The following CBLB variants were observed in gnomAD, a reference collection of about 807,000 sequenced individuals.
The protein encoded by CBLB is Cbl proto-oncogene B, also known as E3 ubiquitin-protein ligase CBL-B.
Under a neutral mutation model 104.9 loss-of-function variants are expected in CBLB, and 31 were observed. The observed-to-expected ratio is 0.30, with a 90% CI of 0.22 to 0.40. The LOEUF is 0.40. CBLB is among the 10% of genes least tolerant of loss of function. The pLI, the probability that CBLB is intolerant of heterozygous loss-of-function variation, is 1.00. For synonymous variants in CBLB, 440 were observed against 422.6 expected, an observed-to-expected ratio of 1.04 and a Z score of -0.51; for missense variants, 1,062 against 1,214.6, an observed-to-expected ratio of 0.87 and a Z score of 1.87.
chr3:105,868,125 G>A (rs974645889), intron 1 of CBLB: 108 of 783,058 alleles, frequency 1.4e-4, no homozygotes, highest in Non-Finnish European at 1.7e-4. Flanking sequence ...AAAAGCGCAG[G>A]GCATGTCCCA....
intron 17 of CBLB, among the ~76,000 whole-genome samples, chr3:105,677,968 A>G (rs1261852749): frequency 6.6e-6 from 1 of 152,120 alleles, no homozygotes; most frequent in Non-Finnish European, 1.5e-5. Flanking sequence ...AAACTTCTCT[A>G]TTCTTGTTAT....
At chr3:105,739,822 T>C (rs561451365) in intron 7 of CBLB, among the ~76,000 whole-genome samples, 32 of 152,230 alleles carry the variant, frequency 2.1e-4, no homozygotes, top group Non-Finnish European at 3.5e-4. Context: ...AAAGTGAAAC[T>C]GGCTGGGCAC....
chr3:105,772,055 C>T (rs1449181119), intron 4 of CBLB, among the ~76,000 whole-genome samples: 2 of 150,524 alleles, frequency 1.3e-5, no homozygotes, highest in Non-Finnish European at 2.9e-5. Flanking sequence ...AAAAAAGAGA[C>T]CATATCACCA....
rs896626093 is a variant in CBLB at position 105,702,365 on chromosome 3, G to A, written c.1688C>T (p.Pro563Leu). The A allele has an allele frequency of 3.1e-6, 5 of 1,612,722 alleles. No homozygotes were observed. The highest frequency in any genetic ancestry group is 4.2e-6 in the Non-Finnish European group (5 of 1,179,476). Residue 563 changes from proline (P) to leucine (L), a missense_variant, in exon 12 of 19, where the codon CCA becomes CTA. Coordinates refer to ENST00000394030, the MANE Select transcript of CBLB (RefSeq NM_170662.5). ...CAGTCTATTGTCTGGTGGGATTGGTGGAGGTCTTTCAGGTGGCGGTGGAGG... is the reference window on the plus strand; with the variant it reads ...CAGTCTATTGTCTGGTGGGATTGGTAGAGGTCTTTCAGGTGGCGGTGGAGG... Reference protein sequence around the residue: ...DPPPPPPERPPPIPPDNRLSR... With the variant: ...DPPPPPPERPLPIPPDNRLSR...
intron 3 of CBLB, among the ~76,000 whole-genome samples, chr3:105,828,995 A>G (rs1292954309): frequency 1.3e-5 from 2 of 152,100 alleles, no homozygotes; most frequent in Non-Finnish European, 2.9e-5. Context: ...AGAATATTTA[A>G]CATATATAAT....
intron 12 of CBLB, among the ~76,000 whole-genome samples, chr3:105,700,105 G>A (rs1363974778): frequency 1.3e-5 from 2 of 151,828 alleles, no homozygotes; most frequent in Non-Finnish European, 1.5e-5. Context: ...ATATTTAAAG[G>A]AATGTTTTTA....
rs1032557851 is a variant in CBLB, at chr3:105,661,668, T to C, written c.2690-2439A>G. ...AGAACAGCTGTGTATACAAGTGGGA[T>C]GAATACTATGACGAATGCCTCTAAT... On this transcript the variant is annotated intron_variant, in intron 18 of 18. Coordinates refer to ENST00000394030, the MANE Select transcript of CBLB (RefSeq NM_170662.5). Among the ~76,000 whole-genome samples, 9 of 152,178 alleles carry C rather than the reference T, an allele frequency of 5.9e-5. No homozygotes were observed. The East Asian group carries it at 1.7e-3, about 29-fold the overall frequency.
intron 16 of CBLB, among the ~76,000 whole-genome samples, chr3:105,680,553 CAG>C (rs1316781116): frequency 6.6e-6 from 1 of 152,100 alleles, no homozygotes; most frequent in African/African-American, 2.4e-5. Flanking sequence ...CTGTAGGTAA[CAG>C]AGTTAGGAGC....
rs574015531 is a variant in CBLB, at chr3:105,674,863, C to A, written c.2569+3568G>T. Among the ~76,000 whole-genome samples the A allele has an allele frequency of 2.6e-5, 4 of 152,172 alleles. No homozygotes were observed. In the South Asian group the frequency reaches 8.3e-4, roughly 32 times the overall value. On this transcript the variant is annotated intron_variant, in intron 17 of 18. Coordinates refer to ENST00000394030, the MANE Select transcript of CBLB (RefSeq NM_170662.5). The stretch of plus-strand genomic sequence containing the variant: ...TGCCAAAAGAAATCTTACATGAAGG[C>A]CTAAAATAGAAAAGAGATAAAAGAA...
chr3:105,686,950 T>C (rs2067083130), intron 13 of CBLB, among the ~76,000 whole-genome samples: 1 of 152,100 alleles, frequency 6.6e-6, no homozygotes, highest in African/African-American at 2.4e-5. Context: ...AGGATTTACT[T>C]TCCAATTAAA....
At chr3:105,794,630 C>T (rs1472074321) in intron 3 of CBLB, among the ~76,000 whole-genome samples, 5 of 152,140 alleles carry the variant, frequency 3.3e-5, no homozygotes, top group African/African-American at 7.2e-5. Context: ...ACAAGTTCCA[C>T]TGAAACTATG....
At chr3:105,724,712 T>A (rs2073360227) in intron 9 of CBLB, among the ~76,000 whole-genome samples, 1 of 152,174 alleles carries the variant, frequency 6.6e-6, no homozygotes, top group Admixed American at 6.5e-5. Context: ...TGCAGAATTA[T>A]CAATGTGCAT....
At chr3:105,849,103 T>C (rs1398615749) in intron 3 of CBLB, among the ~76,000 whole-genome samples, 1 of 152,254 alleles carries the variant, frequency 6.6e-6, no homozygotes, top group Non-Finnish European at 1.5e-5. Context: ...GAGCTCCATG[T>C]GCAATGGCAC....
intron 13 of CBLB, among the ~76,000 whole-genome samples, chr3:105,688,341 AC>A (rs200303882): frequency 5.3e-5 from 8 of 150,782 alleles, no homozygotes; most frequent in Middle Eastern, 3.4e-3. Flanking sequence ...CATAGTCACC[AC>A]CCCCCCCACA....
intron 3 of CBLB, among the ~76,000 whole-genome samples, chr3:105,810,462 T>C (rs2084129714): frequency 6.6e-6 from 1 of 152,132 alleles, no homozygotes; most frequent in African/African-American, 2.4e-5. Flanking sequence ...TAGCCTATTT[T>C]AGTGAAATTA....
At chr3:105,824,549 C>CT (rs1456601870) in intron 3 of CBLB, among the ~76,000 whole-genome samples, 6 of 152,108 alleles carry the variant, frequency 3.9e-5, no homozygotes, top group African/African-American at 4.8e-5. Context: ...GTCAGCCTGA[C>CT]TTTAGCGAAT....
At chr3:105,668,744 T>C (rs2152692189) in intron 18 of CBLB, among the ~76,000 whole-genome samples, 1 of 152,198 alleles carries the variant, frequency 6.6e-6, no homozygotes, top group South Asian at 2.1e-4. Flanking sequence ...ATGCAAGCAG[T>C]TAAACATATA....
chr3:105,774,696 T>C (rs1359631828), intron 4 of CBLB, among the ~76,000 whole-genome samples: 1 of 152,156 alleles, frequency 6.6e-6, no homozygotes, highest in Non-Finnish European at 1.5e-5. Flanking sequence ...GAAATAAAGA[T>C]GTCTCAAATG....
At chr3:105,846,232 C>T (rs1227559906) in intron 3 of CBLB, among the ~76,000 whole-genome samples, 2 of 151,720 alleles carry the variant, frequency 1.3e-5, no homozygotes, top group Non-Finnish European at 2.9e-5. Context: ...TCATCAAATT[C>T]AAAATAATTG....
Sources: gnomAD v4.1 joint callset for allele counts (sites outside exome capture counted in the v4.1 genomes callset) on GRCh38, gnomAD v4.1.1 for gene constraint, MANE v1.5 for transcripts, NCBI Gene and HGNC (gene_info 2026-07-23, HGNC 2026-07-21) for gene names.